GRID2: variants seen among roughly 807,000 people sequenced by gnomAD.
The protein encoded by GRID2 is glutamate ionotropic receptor delta type subunit 2, also known as glutamate receptor ionotropic, delta-2.
A neutral mutation model predicts 114.8 loss-of-function variants in GRID2; 33 were observed. The ratio of observed to expected loss-of-function variants is 0.29; its 90% CI spans 0.22 to 0.38. The LOEUF (loss-of-function observed/expected upper bound fraction) is 0.38, where lower values mean the gene tolerates loss of function less well. GRID2 is among the 10% of genes least tolerant of loss of function. GRID2 has a pLI of 1.00. For synonymous variants in GRID2, 505 were observed against 449.9 expected, an observed-to-expected ratio of 1.12 and a Z score of -1.55; for missense variants, 1,184 against 1,257.7, an observed-to-expected ratio of 0.94 and a Z score of 0.89.
At chr4:93,090,360 G>C (rs941932141) in intron 3 of GRID2, among the ~76,000 whole-genome samples, 1 of 152,150 alleles carries the variant, frequency 6.6e-6, no homozygotes, top group Admixed American at 6.6e-5. Context: ...TCCACTTGGC[G>C]AGAAGCATTA....
intron 13 of GRID2, among the ~76,000 whole-genome samples, chr4:93,610,875 T>C (rs1213795437): frequency 2.2e-5 from 3 of 138,022 alleles, no homozygotes; most frequent in African/African-American, 6.0e-5. Flanking sequence ...ATTGGAATAG[T>C]TTCAGAAGGA....
intron 8 of GRID2, among the ~76,000 whole-genome samples, chr4:93,366,417 G>A (rs1419049159): frequency 2.0e-5 from 3 of 151,990 alleles, no homozygotes; most frequent in African/African-American, 7.2e-5. Flanking sequence ...TTAGGAAGAG[G>A]AAATTCCCGC....
At chr4:93,234,522 T>G (rs1309345612) in intron 7 of GRID2, among the ~76,000 whole-genome samples, 1 of 152,028 alleles carries the variant, frequency 6.6e-6, no homozygotes, top group East Asian at 1.9e-4. Flanking sequence ...CTATTATGAA[T>G]GACTATTTGA....
At chr4:93,317,926 T>C (rs1756833091) in intron 8 of GRID2, among the ~76,000 whole-genome samples, 1 of 147,640 alleles carries the variant, frequency 6.8e-6, no homozygotes, top group African/African-American at 2.5e-5. Flanking sequence ...GAATGGGATT[T>C]CAAAATTCCA....
At chr4:93,161,056 T>G (rs367921471) in intron 4 of GRID2, among the ~76,000 whole-genome samples, 1 of 151,810 alleles carries the variant, frequency 6.6e-6, no homozygotes, top group Admixed American at 6.6e-5. Context: ...CTAATGGCTG[T>G]TTAGGACTGT....
At chr4:93,095,482 A>C (rs1254943174) in intron 3 of GRID2, among the ~76,000 whole-genome samples, 2 of 152,134 alleles carry the variant, frequency 1.3e-5, no homozygotes, top group African/African-American at 2.4e-5. Flanking sequence ...AGCAAAGAAT[A>C]AAACACAAAG....
intron 1 of GRID2, among the ~76,000 whole-genome samples, chr4:92,395,756 C>T (rs546862474): frequency 3.3e-5 from 5 of 151,682 alleles, no homozygotes; most frequent in Non-Finnish European, 7.4e-5. Flanking sequence ...ATATTCTTTC[C>T]ATTCCTTGCA....
At chr4:93,162,942 A>T (rs1737820540) in intron 4 of GRID2, among the ~76,000 whole-genome samples, 1 of 151,962 alleles carries the variant, frequency 6.6e-6, no homozygotes, top group South Asian at 2.1e-4. Context: ...CCCACACAGG[A>T]ATAAAAGCAC....
chr4:93,069,013 A>G lies in GRID2; in HGVS notation c.245-15982A>G, dbSNP rs148631322. 7.9e-3 allele frequency among the ~76,000 whole-genome samples: 1,208 copies of G among 152,010 alleles called. 51 individuals carry two copies. The highest frequency in any genetic ancestry group is 0.062 in the Admixed American group (937 of 15,202). On this transcript the variant is annotated intron_variant, in intron 2 of 15. Coordinates refer to ENST00000282020, the MANE Select transcript of GRID2 (RefSeq NM_001510.4). ...CACATGGCCAGAGCAGAAACAAGAG[A>G]GAGAGGAGGGAGGTGCTACACACTT...
intron 2 of GRID2, among the ~76,000 whole-genome samples, chr4:92,666,158 A>G (rs1259894227): frequency 6.6e-6 from 1 of 151,460 alleles, no homozygotes. Flanking sequence ...ATCCAAATGC[A>G]CTGATTCTTT....
At chr4:92,679,674 T>G (rs2149283202) in intron 2 of GRID2, among the ~76,000 whole-genome samples, 1 of 152,144 alleles carries the variant, frequency 6.6e-6, no homozygotes, top group South Asian at 2.1e-4. Context: ...TGTTTTTCAT[T>G]TTATACTCAA....
chr4:92,358,509 T>C (rs960551207), intron 1 of GRID2, among the ~76,000 whole-genome samples: 7 of 151,822 alleles, frequency 4.6e-5, no homozygotes, highest in Admixed American at 4.6e-4. Flanking sequence ...GAAGAGGAAT[T>C]AGGGAAGTAG....
chr4:92,580,520 T>C (rs1284120174), intron 1 of GRID2, among the ~76,000 whole-genome samples: 1 of 151,988 alleles, frequency 6.6e-6, no homozygotes, highest in Non-Finnish European at 1.5e-5. Context: ...TTTGGCCCAT[T>C]CAGATAGGTA....
intron 2 of GRID2, among the ~76,000 whole-genome samples, chr4:92,870,393 A>G (rs1745192257): frequency 6.6e-6 from 1 of 152,076 alleles, no homozygotes; most frequent in African/African-American, 2.4e-5. Context: ...CGTTGAATGC[A>G]GAACAGGGCT....
intron 2 of GRID2, among the ~76,000 whole-genome samples, chr4:92,730,071 CTCTT>C (rs1391794885): frequency 2.0e-5 from 3 of 151,952 alleles, no homozygotes; most frequent in East Asian, 1.9e-4. Flanking sequence ...TTGCTAAACT[CTCTT>C]TGAGTCCTTT....
intron 1 of GRID2, among the ~76,000 whole-genome samples, chr4:92,540,069 G>A (rs1725848558): frequency 2.0e-5 from 3 of 152,268 alleles, no homozygotes; most frequent in Admixed American, 2.0e-4. Context: ...TTAATAAATA[G>A]TGCTGGGAAA....
chr4:93,769,626 T>A (rs900686360), intron 15 of GRID2, among the ~76,000 whole-genome samples, 176 bp downstream of exon 15: 1 of 152,162 alleles, frequency 6.6e-6, no homozygotes, highest in South Asian at 2.1e-4. Flanking sequence ...AATTTCCATT[T>A]TAGGATATCC....
chr4:92,797,041 C>T (rs1411900548), intron 2 of GRID2, among the ~76,000 whole-genome samples: 3 of 151,884 alleles, frequency 2.0e-5, no homozygotes, highest in African/African-American at 4.8e-5. Context: ...ATGATAGATT[C>T]ATTTATCTTG....
rs77971870 is a variant in GRID2, at chr4:92,962,118, T to C, written c.245-122877T>C. Among the ~76,000 whole-genome samples the C allele has an allele frequency of 7.1e-4, 108 of 152,122 alleles. 1 individual carries two copies. The East Asian group carries it at 0.019, about 27-fold the overall frequency. On this transcript the variant is annotated intron_variant, in intron 2 of 15. Coordinates refer to ENST00000282020, the MANE Select transcript of GRID2 (RefSeq NM_001510.4). The stretch of plus-strand genomic sequence containing the variant: ...GTTCTTAGCATATAAACTGTAGCTT[T>C]AAAAATTCCCAGTCTGATAATTCTA...
Sources: gnomAD v4.1 joint callset for allele counts (sites outside exome capture counted in the v4.1 genomes callset) on GRCh38, gnomAD v4.1.1 for gene constraint, MANE v1.5 for transcripts, NCBI Gene and HGNC (gene_info 2026-07-23, HGNC 2026-07-21) for gene names.